XPO1: variants seen among roughly 807,000 people sequenced by gnomAD.
XPO1 encodes exportin-1.
In XPO1, 5 loss-of-function variants were observed where a neutral mutation model predicts 133.3. The ratio of observed to expected loss-of-function variants is 0.04; its 90% CI spans 0.02 to 0.08. The LOEUF is 0.08. Ranked by LOEUF, XPO1 falls within the 10% of genes least tolerant of loss-of-function variation. XPO1 has a pLI of 1.00. For synonymous variants in XPO1, 419 were observed against 408.2 expected (o/e 1.03, Z -0.32); for missense variants, 506 against 1,267.5 (o/e 0.40, Z 9.12).
intron 4 of XPO1, among the ~76,000 whole-genome samples, chr2:61,508,846 A>T (rs115773624): frequency 3.9e-4 from 59 of 152,312 alleles, no homozygotes; most frequent in African/African-American, 1.4e-3. Context: ...CCAAATAAGG[A>T]TCTGACTTAT....
intron 5 of XPO1, 80 bp downstream of exon 5, chr2:61,502,169 T>G: frequency 6.5e-7 from 1 of 1,550,378 alleles, no homozygotes; most frequent in Non-Finnish European, 8.8e-7. Flanking sequence ...ACTATGTGTC[T>G]TGACAGAATT....
chr2:61,495,743 C>T, intron 10 of XPO1, 130 bp from the exon 11 acceptor site: 1 of 876,038 alleles, frequency 1.1e-6, no homozygotes, highest in Non-Finnish European at 1.6e-6. Context: ...ATGACCAAAG[C>T]TCACTGCAGC....
At chr2:61,498,575 G>C (rs1697353372) in intron 9 of XPO1, 98 bp downstream of exon 9, 2 of 1,468,012 alleles carry the variant, frequency 1.4e-6, no homozygotes, top group African/African-American at 1.4e-5. Context: ...TTAGAAACAA[G>C]GTTGAATAAG....
intron 16 of XPO1, 37 bp downstream of exon 16, chr2:61,491,998 C>CT (rs1558638886): frequency 6.2e-7 from 1 of 1,605,810 alleles, no homozygotes; most frequent in African/African-American, 1.3e-5. Flanking sequence ...ACAAGTGTTA[C>CT]TTTCTAAAAA....
chr2:61,505,473 C>T (rs978381257), intron 4 of XPO1, among the ~76,000 whole-genome samples: 8 of 150,640 alleles, frequency 5.3e-5, no homozygotes, highest in Admixed American at 4.0e-4. Context: ...CTCACTGACA[C>T]GGCCGCCTCC....
intron 21 of XPO1, chr2:61,483,572 A>G (rs977983349): frequency 5.4e-6 from 1 of 184,870 alleles, no homozygotes; most frequent in African/African-American, 2.4e-5. Flanking sequence ...AACCTCATGA[A>G]TATTTTTTAA....
intron 4 of XPO1, among the ~76,000 whole-genome samples, chr2:61,515,069 T>TAAAAAA (rs10638897): frequency 7.8e-6 from 1 of 127,392 alleles, no homozygotes; most frequent in Non-Finnish European, 1.6e-5. Context: ...GTGACTGTCT[T>TAAAAAA]AAAAAAAAAA....
intron 17 of XPO1, among the ~76,000 whole-genome samples, chr2:61,490,136 G>A (rs779275204): frequency 5.9e-5 from 9 of 151,444 alleles, no homozygotes; most frequent in South Asian, 2.1e-4. Flanking sequence ...TGATCCACCC[G>A]TCTCGGTCTC....
At chr2:61,535,979 C>T (rs960309462) in intron 1 of XPO1, among the ~76,000 whole-genome samples, 1 of 152,182 alleles carries the variant, frequency 6.6e-6, no homozygotes, top group African/African-American at 2.4e-5. Flanking sequence ...TCAAATATTT[C>T]GGTTAAATAT....
intron 2 of XPO1, among the ~76,000 whole-genome samples, chr2:61,528,244 C>T (rs939794929): frequency 1.3e-5 from 2 of 151,944 alleles, no homozygotes; most frequent in African/African-American, 4.8e-5. Context: ...TCATCATGAA[C>T]TTAGTGTGTC....
At chr2:61,511,624 C>T (rs1276458960) in intron 4 of XPO1, among the ~76,000 whole-genome samples, 3 of 152,194 alleles carry the variant, frequency 2.0e-5, no homozygotes, top group Non-Finnish European at 4.4e-5. Context: ...CTTGTCCTGG[C>T]TGATCTCAAA....
intron 19 of XPO1, among the ~76,000 whole-genome samples, chr2:61,487,870 G>C (rs764180502): frequency 6.6e-6 from 1 of 152,040 alleles, no homozygotes; most frequent in Non-Finnish European, 1.5e-5. Flanking sequence ...AAACTGCACC[G>C]GTACTCCATT....
intron 4 of XPO1, among the ~76,000 whole-genome samples, chr2:61,513,379 T>G (rs1328887297): frequency 6.6e-6 from 1 of 150,962 alleles, no homozygotes; most frequent in Non-Finnish European, 1.5e-5. Flanking sequence ...TTTTTTTTTT[T>G]TTTTGAGAGA....
chr2:61,520,916 G>T (rs1698660600), intron 4 of XPO1, among the ~76,000 whole-genome samples: 1 of 152,008 alleles, frequency 6.6e-6, no homozygotes, highest in Non-Finnish European at 1.5e-5. Flanking sequence ...CATAACACAT[G>T]AGTAAAACAA....
At chr2:61,515,982 C>T (rs1698367962) in intron 4 of XPO1, among the ~76,000 whole-genome samples, 1 of 144,654 alleles carries the variant, frequency 6.9e-6, no homozygotes, top group South Asian at 2.1e-4. Context: ...CAAAATTAGC[C>T]AGACGTGGTA....
chr2:61,479,059 A>G, intron 24 of XPO1, 93 bp from the exon 25 acceptor site: 1 of 1,433,470 alleles, frequency 7.0e-7, no homozygotes, highest in East Asian at 2.3e-5. Flanking sequence ...TAGAGAAGGA[A>G]GGAATATAAA....
At chr2:61,520,332 C>T (rs1698628712) in intron 4 of XPO1, among the ~76,000 whole-genome samples, 1 of 152,076 alleles carries the variant, frequency 6.6e-6, no homozygotes, top group Non-Finnish European at 1.5e-5. Flanking sequence ...GTTAGAGAAG[C>T]CTCCCAGTTA....
chr2:61,492,800 A>C lies in XPO1; in HGVS notation c.1385-52T>G. 1 of 1,580,830 alleles carries C rather than the reference A, an allele frequency of 6.3e-7. No homozygotes were observed. The highest frequency in any genetic ancestry group is 1.4e-5 in the African/African-American group (1 of 73,764). ...GCAAATAATGAGCAGAATTTTATTG[A>C]TGAGTAACAATACATTTAGAAAATA... On this transcript the variant is annotated intron_variant, in intron 13 of 24. Transcript: ENST00000401558. This position sits in a 1 kb window ranked among gnomAD's most constrained non-coding sequence, Gnocchi z 5.6.
chr2:61,517,917 A>T (rs1698474895), intron 4 of XPO1, among the ~76,000 whole-genome samples: 1 of 152,154 alleles, frequency 6.6e-6, no homozygotes, highest in Non-Finnish European at 1.5e-5. Flanking sequence ...ACCTGAAGTC[A>T]GGAGTTCGAG....
Sources: gnomAD v4.1 joint callset for allele counts (sites outside exome capture counted in the v4.1 genomes callset) on GRCh38, gnomAD v4.1.1 for gene constraint, Gnocchi (gnomAD v3.1) non-coding constraint, MANE v1.5 for transcripts, NCBI Gene and HGNC (gene_info 2026-07-23, HGNC 2026-07-21) for gene names.